Variants in RBM27 observed in about 807,000 individuals in gnomAD.
RBM27 encodes RNA-binding protein 27.
A neutral mutation model predicts 135.3 loss-of-function variants in RBM27; 22 were observed. The observed-to-expected ratio is 0.16, with a 90% CI of 0.12 to 0.23. The LOEUF is 0.23. Ranked by LOEUF, RBM27 falls within the 10% of genes least tolerant of loss-of-function variation. The pLI, the probability that RBM27 is intolerant of heterozygous loss-of-function variation, is 1.00. For missense variants in RBM27, 1,009 were observed against 1,281.0 expected (o/e 0.79, Z 3.24); for synonymous variants, 481 against 442.4 (o/e 1.09, Z -1.10).
At chr5:146,229,969 G>A (rs919405700) in intron 5 of RBM27, 59 bp downstream of exon 5, 8 of 1,578,004 alleles carry the variant, frequency 5.1e-6, no homozygotes, top group South Asian at 4.5e-5. Flanking sequence ...TCTATCACAG[G>A]GGTGCAAGAA....
At position 146,251,747 on chromosome 5, in the gene RBM27, C is replaced by T. The variant is rs746644965; in HGVS notation, c.1316C>T (p.Ala439Val). 2.1e-5 allele frequency: 34 copies of T among 1,613,158 alleles called. 1 individual carries two copies. In the East Asian group the frequency reaches 3.3e-4, roughly 16 times the overall value. ...TACTCTCGTGAACATGGTGCTGCTG[C>T]ATCTGAGCGACTTCAGTTGGGGACA... ...PMYSREHGAA[A>V]SERLQLGTPP... Residue 439 changes from alanine (A) to valine (V), a missense_variant, in exon 9 of 21, where the codon GCA (alanine) becomes GTA (valine). Ala to Val is a moderately conservative substitution (Grantham distance 64). This residue lies in a region of RBM27 where 329 missense variants were observed against 368.1 expected (regional missense o/e 0.89). Coordinates refer to ENST00000265271, the MANE Select transcript of RBM27 (RefSeq NM_018989.2).
intron 19 of RBM27, among the ~76,000 whole-genome samples, chr5:146,278,879 G>A (rs1330298047): frequency 6.6e-6 from 1 of 151,680 alleles, no homozygotes; most frequent in African/African-American, 2.4e-5. Context: ...TCGCCACCAC[G>A]CCTGGCTAAT....
intron 19 of RBM27, among the ~76,000 whole-genome samples, chr5:146,282,000 C>CTTTTTT (rs777368235): frequency 3.4e-4 from 34 of 101,466 alleles, no homozygotes; most frequent in Middle Eastern, 5.6e-3. Flanking sequence ...TATTTTTCAT[C>CTTTTTT]TTTTTTTTTT....
chr5:146,282,843 G>C (rs1189127187), intron 19 of RBM27, among the ~76,000 whole-genome samples: 2 of 152,180 alleles, frequency 1.3e-5, no homozygotes, highest in African/African-American at 4.8e-5. Context: ...TTGTGTATGA[G>C]AATTCCTAAC....
rs1017134549 is a variant in RBM27, at chr5:146,263,466, A to G, written c.2191-25A>G. On this transcript the variant is annotated intron_variant, in intron 13 of 20. Transcript: ENST00000265271. ...AGGCATGTTTTTAAACTTCTGCCAC[A>G]TAAGTGTTCATTTTGTATGTGCAGA... 17 of 1,601,992 alleles carry G rather than the reference A, an allele frequency of 1.1e-5. No individual in the cohort carries two copies. The East Asian group carries it at 2.2e-4, about 21-fold the overall frequency.
intron 2 of RBM27, among the ~76,000 whole-genome samples, chr5:146,220,710 C>T (rs936140149): frequency 6.6e-6 from 1 of 151,920 alleles, no homozygotes; most frequent in African/African-American, 2.4e-5. Context: ...CAAAGCAATA[C>T]TGACAGAATT....
intron 15 of RBM27, among the ~76,000 whole-genome samples, chr5:146,268,229 CTCTTATT>C (rs1758703017): frequency 6.7e-6 from 1 of 150,118 alleles, no homozygotes; most frequent in Non-Finnish European, 1.5e-5. Context: ...AGATTTTACT[CTCTTATT>C]TCTTATTTCT....
chr5:146,215,678 CAG>C (rs1022876417), intron 1 of RBM27, among the ~76,000 whole-genome samples: 44 of 152,184 alleles, frequency 2.9e-4, no homozygotes, highest in African/African-American at 1.0e-3. Flanking sequence ...TCATTATTCT[CAG>C]GGGTGAAATT....
intron 8 of RBM27, among the ~76,000 whole-genome samples, chr5:146,240,336 C>G (rs962467507): frequency 6.6e-6 from 1 of 151,870 alleles, no homozygotes; most frequent in African/African-American, 2.4e-5. Flanking sequence ...GTCTGTCTAT[C>G]TGTCTGTCTA....
chr5:146,214,301 TC>T (rs1217515067), intron 1 of RBM27, among the ~76,000 whole-genome samples: 4 of 152,220 alleles, frequency 2.6e-5, no homozygotes, highest in Non-Finnish European at 4.4e-5. Context: ...AATTTTACAA[TC>T]TCTTTCATCC....
At chr5:146,279,715 C>T (rs1322215838) in intron 19 of RBM27, among the ~76,000 whole-genome samples, 2 of 148,004 alleles carry the variant, frequency 1.4e-5, no homozygotes, top group Admixed American at 6.8e-5. Flanking sequence ...GCCTGAGGCA[C>T]ATGAATTGCT....
At chr5:146,206,545 A>T (rs1581125639) in intron 1 of RBM27, among the ~76,000 whole-genome samples, 1 of 117,330 alleles carries the variant, frequency 8.5e-6, no homozygotes, top group African/African-American at 3.4e-5. Context: ...TTGCTCATTT[A>T]GGGTAAAAAA....
At chr5:146,219,731 A>G (rs1213611619) in intron 2 of RBM27, among the ~76,000 whole-genome samples, 1 of 151,998 alleles carries the variant, frequency 6.6e-6, no homozygotes, top group Admixed American at 6.6e-5. Context: ...TGAAACATGG[A>G]TTCTTCTCTC....
chr5:146,274,977 CTTTTTCTTT>C (rs1759031609), intron 19 of RBM27, among the ~76,000 whole-genome samples: 1 of 151,278 alleles, frequency 6.6e-6, no homozygotes, highest in Non-Finnish European at 1.5e-5. Flanking sequence ...CTTTCTAGTT[CTTTTTCTTT>C]TTTTTCTTTT....
intron 19 of RBM27, among the ~76,000 whole-genome samples, chr5:146,272,164 A>T (rs1561565183): frequency 6.6e-6 from 1 of 152,246 alleles, no homozygotes; most frequent in Non-Finnish European, 1.5e-5. Flanking sequence ...TTCAGTAAAT[A>T]TTTTATTGAC....
intron 8 of RBM27, among the ~76,000 whole-genome samples, chr5:146,237,795 C>A (rs1757234597): frequency 1.3e-5 from 2 of 152,184 alleles, no homozygotes; most frequent in Admixed American, 1.3e-4. Flanking sequence ...TCAAGTGATT[C>A]TCTTGCCTCA....
chr5:146,276,047 A>C (rs1031197141), intron 19 of RBM27, among the ~76,000 whole-genome samples: 14 of 152,060 alleles, frequency 9.2e-5, no homozygotes, highest in African/African-American at 3.4e-4. Context: ...GATTACAGGC[A>C]TGAGCCATTG....
At chr5:146,227,324 C>T (rs1756724451) in intron 3 of RBM27, among the ~76,000 whole-genome samples, 1 of 152,162 alleles carries the variant, frequency 6.6e-6, no homozygotes, top group Non-Finnish European at 1.5e-5. Flanking sequence ...CTGGATTTTG[C>T]TGTCTGCATC....
chr5:146,263,627 G>T lies in RBM27; in HGVS notation c.2327G>T (p.Cys776Phe). The T allele has an allele frequency of 6.2e-7, 1 of 1,613,288 alleles. No individual in the cohort carries two copies. The highest frequency in any genetic ancestry group is 8.5e-7 in the Non-Finnish European group (1 of 1,179,796). ...CAGTCTGGTGGTGCTGGAGAAGATT[G>T]CCAGGTATGCATTTTTGGGAGCTTC... ...LNQSGGAGED[C>F]QIFSTPGHPK... Residue 776 changes from cysteine to phenylalanine, a missense_variant, in exon 14 of 21, where the codon TGC (cysteine) becomes TTC (phenylalanine). By Grantham distance (205) the Cys-to-Phe change is radical. Around this residue, in one of 6 missense-constraint regions of RBM27, gnomAD observed 355 missense variants for 427.3 expected, o/e 0.83. Transcript: ENST00000265271.
Sources: allele counts gnomAD v4.1 joint callset (sites outside exome capture counted in the v4.1 genomes callset), GRCh38; gene constraint gnomAD v4.1.1; regional missense constraint gnomAD v4.1.1; transcripts MANE v1.5; gene names NCBI Gene and HGNC (gene_info 2026-07-23, HGNC 2026-07-21).